Variants in DCAF6 observed in about 807,000 individuals in gnomAD.
The protein encoded by DCAF6 is DDB1- and CUL4-associated factor 6.
A neutral mutation model predicts 125.1 loss-of-function variants in DCAF6; 54 were observed. The observed-to-expected ratio is 0.43, with a 90% CI of 0.35 to 0.54. The LOEUF is 0.54. Among genes scored for constraint, DCAF6 ranks in the 20% least tolerant of loss-of-function variants. The probability of loss-of-function intolerance (pLI) is 0.01; values close to 1 mark genes in which losing one functional copy is unlikely to be tolerated. For missense variants in DCAF6, 934 were observed against 1,161.7 expected (o/e 0.80, Z 2.85); for synonymous variants, 371 against 390.4 (o/e 0.95, Z 0.58).
In DCAF6 at chr1:167,993,339, A is replaced by C; in HGVS notation, c.802A>C (p.Ile268Leu). Residue 268 changes from isoleucine (I) to leucine (L), a missense_variant, in exon 7 of 22, where the codon ATT becomes CTT. This residue lies in a region of DCAF6 where 309 missense variants were observed against 381.2 expected (regional missense o/e 0.81). Coordinates refer to ENST00000367840, the MANE Select transcript of DCAF6 (RefSeq NM_001198956.2). Reference sequence around the variant, plus strand: ...GTGTTACAGTGAAGATGGTCAAGAGATTCTCGTTAGTTACTCTTCAGATTA... The same window carrying C: ...GTGTTACAGTGAAGATGGTCAAGAGCTTCTCGTTAGTTACTCTTCAGATTA... The part of the protein sequence containing the change: ...SLCYSEDGQE[I>L]LVSYSSDYIY... 1 of 1,613,852 alleles carries C rather than the reference A, an allele frequency of 6.2e-7. No homozygotes were observed. Among genetic ancestry groups the C allele is most frequent in the Non-Finnish European group, 8.5e-7 (1 of 1,179,814 alleles).
At chr1:167,908,850 T>G in the DCAF6 span, among the ~76,000 whole-genome samples, 1 of 152,210 alleles carries the variant, frequency 6.6e-6, no homozygotes, top group African/African-American at 2.4e-5. Flanking sequence ...ATCAAATGCA[T>G]AAGCACGAGG....
At chr1:167,965,584 A>G (rs1676268227) in intron 2 of DCAF6, among the ~76,000 whole-genome samples, 2 of 152,082 alleles carry the variant, frequency 1.3e-5, no homozygotes, top group Admixed American at 6.5e-5. Context: ...CAAATCACAA[A>G]AACACCCTCT....
upstream of DCAF6, chr1:167,935,829 C>A: frequency 6.4e-7 from 1 of 1,551,718 alleles, no homozygotes; most frequent in East Asian, 2.4e-5. Context: ...CCTCGGGCAC[C>A]GGCGGCCGAC....
chr1:167,903,079 A>C, the DCAF6 span, among the ~76,000 whole-genome samples: 1 of 151,336 alleles, frequency 6.6e-6, no homozygotes, highest in Non-Finnish European at 1.5e-5. Flanking sequence ...ACATGGTAAA[A>C]CCCTATCTCT....
intron 4 of DCAF6, among the ~76,000 whole-genome samples, chr1:167,979,431 T>C (rs1324814765): frequency 6.6e-6 from 1 of 152,208 alleles, no homozygotes; most frequent in African/African-American, 2.4e-5. Context: ...TCTAAGAATT[T>C]GACTATTTTA....
the DCAF6 span, among the ~76,000 whole-genome samples, chr1:167,923,202 T>C: frequency 1.3e-5 from 2 of 152,198 alleles, no homozygotes; most frequent in African/African-American, 4.8e-5. Context: ...GGGTGTATAC[T>C]AAGAAGAATT....
At chr1:167,992,732 G>A (rs1021693874) in intron 6 of DCAF6, among the ~76,000 whole-genome samples, 3 of 152,126 alleles carry the variant, frequency 2.0e-5, no homozygotes, top group African/African-American at 7.2e-5. Flanking sequence ...ATTAAAATTG[G>A]AATAGTATTC....
chr1:168,023,219 C>G, intron 12 of DCAF6, 172 bp downstream of exon 12: 1 of 663,982 alleles, frequency 1.5e-6, no homozygotes. Flanking sequence ...TCTTTTTGGC[C>G]TATACAGATT....
At chr1:168,053,837 T>C (rs1375779422) in intron 17 of DCAF6, among the ~76,000 whole-genome samples, 2 of 152,292 alleles carry the variant, frequency 1.3e-5, no homozygotes, top group Admixed American at 1.3e-4. Flanking sequence ...CAGGGTTGTG[T>C]CCCAGGCAGG....
Position 168,044,969 on chromosome 1 carries a change from A to T in DCAF6, c.2000A>T (p.Asp667Val). 6.2e-7 allele frequency: 1 copy of T among 1,614,132 alleles called. No homozygotes were observed. Among genetic ancestry groups the T allele is most frequent in the South Asian group, 1.1e-5 (1 of 91,080 alleles). Residue 667 changes from aspartate to valine, a missense_variant, in exon 16 of 22, where the codon GAT (aspartate) becomes GTT (valine). Transcript: ENST00000367840. The part of the protein sequence containing the change: ...NSGERNDLNL[D>V]RSCGVPEESA... ...GGAGAAAGAAATGACCTCAATCTTGATCGCTCTTGTGGGGTTCCAGAAGAA... is the reference window on the plus strand; with the variant it reads ...GGAGAAAGAAATGACCTCAATCTTGTTCGCTCTTGTGGGGTTCCAGAAGAA...
intron 7 of DCAF6, among the ~76,000 whole-genome samples, chr1:167,997,011 C>T (rs183620935): frequency 7.6e-4 from 116 of 152,168 alleles, no homozygotes; most frequent in African/African-American, 2.6e-3. Context: ...GTTGTTTGCT[C>T]CATCGGGCTG....
At chr1:167,873,473 C>T in the DCAF6 span, among the ~76,000 whole-genome samples, 13 of 152,256 alleles carry the variant, frequency 8.5e-5, no homozygotes, top group African/African-American at 3.1e-4. Context: ...CAGTTAGGAC[C>T]AAGATTTAAC....
In DCAF6 at chr1:167,951,880, T is replaced by A. The variant is rs1331452879; in HGVS notation, c.159+19T>A. ...TGGTTGTGTAAGTAATAGTTAATTC[T>A]CAACTCTGAAGGGATTTGATACTAA... is the stretch of plus-strand genomic sequence containing the variant. On this transcript the variant is annotated intron_variant, in intron 2 of 21. Coordinates refer to ENST00000367840, the MANE Select transcript of DCAF6 (RefSeq NM_001198956.2). The A allele has an allele frequency of 6.4e-7, 1 of 1,572,506 alleles. No homozygotes were observed. The highest frequency in any genetic ancestry group is 2.2e-5 in the East Asian group (1 of 44,562).
chr1:167,901,540 G>A, the DCAF6 span: 1 of 1,023,528 alleles, frequency 9.8e-7, no homozygotes, highest in Admixed American at 1.7e-5. Flanking sequence ...TGATGCCAAA[G>A]TTCAGGGCAT....
chr1:167,943,829 A>G lies in DCAF6; in HGVS notation c.97+6821A>G, dbSNP rs116823587. 2.7e-3 allele frequency among the ~76,000 whole-genome samples: 412 copies of G among 152,018 alleles called. 1 individual carries two copies. Among genetic ancestry groups the G allele is most frequent in the African/African-American group, 9.7e-3 (401 of 41,380 alleles). On this transcript the variant is annotated intron_variant, in intron 1 of 21. Coordinates refer to ENST00000367840, the MANE Select transcript of DCAF6 (RefSeq NM_001198956.2). ...TCTAGTTCCATCCACGTTGCTGTAT[A>G]TGTCATGATTTCATTCATTTTTTTT...
chr1:167,980,599 C>T lies in DCAF6; in HGVS notation c.438+5584C>T, dbSNP rs75089467. Among the ~76,000 whole-genome samples, 238 of 152,188 alleles carry T rather than the reference C, an allele frequency of 1.6e-3. 1 individual carries two copies. The East Asian group carries it at 0.027, about 17-fold the overall frequency. On this transcript the variant is annotated intron_variant, in intron 4 of 21. Coordinates refer to ENST00000367840, the MANE Select transcript of DCAF6 (RefSeq NM_001198956.2). ...AGCTTCTTTTCATATGCTTCTTGGC[C>T]ATCTGTGTATCTTCTTTGGAGAAAT...
At chr1:168,068,068 T>G (rs193270603) in intron 20 of DCAF6, among the ~76,000 whole-genome samples, 28 of 152,328 alleles carry the variant, frequency 1.8e-4, no homozygotes, top group Non-Finnish European at 2.9e-4. Flanking sequence ...AGAAGCAAAT[T>G]GCAAGTAAAA....
At chr1:167,866,316 C>T in the DCAF6 span, among the ~76,000 whole-genome samples, 3 of 151,896 alleles carry the variant, frequency 2.0e-5, no homozygotes, top group Non-Finnish European at 1.5e-5. Context: ...AATTGGAGTC[C>T]CACGAGGAAT....
chr1:167,925,456 T>TAC, the DCAF6 span, among the ~76,000 whole-genome samples: 1 of 111,910 alleles, frequency 8.9e-6, no homozygotes. Context: ...TATATATATA[T>TAC]ATATATATAT....
Sources: gnomAD v4.1 joint callset for allele counts (sites outside exome capture counted in the v4.1 genomes callset) on GRCh38, gnomAD v4.1.1 for gene constraint, gnomAD v4.1.1 regional missense constraint, MANE v1.5 for transcripts, NCBI Gene and HGNC (gene_info 2026-07-23, HGNC 2026-07-21) for gene names.